The following CREB5 variants were observed in gnomAD, a reference collection of about 807,000 sequenced individuals.
CREB5 encodes the protein cAMP responsive element binding protein 5.
A neutral mutation model predicts 57.1 loss-of-function variants in CREB5; 19 were observed. That is an observed-to-expected ratio of 0.33 (90% CI 0.23 to 0.49). CREB5 has a LOEUF of 0.49. Ranked by LOEUF, CREB5 falls within the 20% of genes least tolerant of loss-of-function variation. The pLI, the probability that CREB5 is intolerant of heterozygous loss-of-function variation, is 0.99. For synonymous variants in CREB5, 238 were observed against 238.3 expected (o/e 1.00, Z 0.01); for missense variants, 579 against 671.6 (o/e 0.86, Z 1.52).
At chr7:28,422,880 C>T (rs1286966222) in intron 1 of CREB5, among the ~76,000 whole-genome samples, 1 of 152,154 alleles carries the variant, frequency 6.6e-6, no homozygotes, top group Non-Finnish European at 1.5e-5. Flanking sequence ...TAACACCTTA[C>T]ATTGTTTAGG....
intron 5 of CREB5, among the ~76,000 whole-genome samples, chr7:28,593,336 C>T (rs777953016): frequency 8.5e-5 from 13 of 152,258 alleles, no homozygotes; most frequent in Middle Eastern, 3.4e-3. Context: ...ATAACCTCCA[C>T]CTCCTGGGTT....
chr7:28,761,754 C>A (rs2128770118), intron 7 of CREB5, among the ~76,000 whole-genome samples: 1 of 149,390 alleles, frequency 6.7e-6, no homozygotes, highest in South Asian at 2.2e-4. Flanking sequence ...GTGTGTGTAT[C>A]ATTTGTTTTA....
At chr7:28,794,125 A>T (rs1240294474) in intron 7 of CREB5, among the ~76,000 whole-genome samples, 1 of 152,210 alleles carries the variant, frequency 6.6e-6, no homozygotes. Flanking sequence ...TTTTTCTAAC[A>T]TATGTTACTG....
intron 1 of CREB5, among the ~76,000 whole-genome samples, chr7:28,398,777 T>G (rs1383811114): frequency 6.6e-6 from 1 of 152,074 alleles, no homozygotes; most frequent in Non-Finnish European, 1.5e-5. Context: ...AGTGGCAGGA[T>G]CATGGCTCAC....
chr7:28,631,078 G>A (rs1798183833), intron 5 of CREB5, among the ~76,000 whole-genome samples: 1 of 152,216 alleles, frequency 6.6e-6, no homozygotes, highest in Non-Finnish European at 1.5e-5. Context: ...GGTACCACCA[G>A]TGGGACTCAG....
intron 7 of CREB5, among the ~76,000 whole-genome samples, chr7:28,760,853 T>G (rs1329762396): frequency 6.6e-6 from 1 of 152,208 alleles, no homozygotes; most frequent in Non-Finnish European, 1.5e-5. Context: ...TTGCGGAATC[T>G]AAGAGAGAAA....
intron 5 of CREB5, among the ~76,000 whole-genome samples, chr7:28,690,744 T>A (rs1801206505): frequency 6.6e-6 from 1 of 152,168 alleles, no homozygotes; most frequent in Non-Finnish European, 1.5e-5. Context: ...GATAGGATTC[T>A]CCTCGCAGCA....
intron 1 of CREB5, among the ~76,000 whole-genome samples, chr7:28,306,624 G>T (rs1785193939): frequency 7.1e-6 from 1 of 141,480 alleles, no homozygotes. Context: ...GCAGTGGCGG[G>T]ATCTCGGCTC....
At chr7:28,375,583 A>C (rs917078700) in intron 1 of CREB5, among the ~76,000 whole-genome samples, 10 of 151,298 alleles carry the variant, frequency 6.6e-5, no homozygotes, top group African/African-American at 2.5e-4. Context: ...TGTGATTATA[A>C]ATAAATAAAA....
At chr7:28,488,665 TTTTGTTTTCCAA>T (rs1791673739) in intron 2 of CREB5, among the ~76,000 whole-genome samples, 1 of 152,226 alleles carries the variant, frequency 6.6e-6, no homozygotes, top group African/African-American at 2.4e-5. Context: ...TTTTATTTTG[TTTTGTTTTCCAA>T]TTTGAGTAAA....
chr7:28,310,781 C>T lies in CREB5; in HGVS notation c.-25+11340C>T, dbSNP rs910282041. ...TTCATGTCATTTTTACCTCTACGTG[C>T]TTCAGTGTTCTGAATTATGCAGACA... On this transcript the variant is annotated intron_variant, in intron 1 of 9. Transcript: ENST00000396299. Among the ~76,000 whole-genome samples, 14 of 152,186 alleles carry T rather than the reference C, an allele frequency of 9.2e-5. 1 individual carries two copies. The highest frequency in any genetic ancestry group is 3.4e-4 in the African/African-American group (14 of 41,456).
intron 1 of CREB5, among the ~76,000 whole-genome samples, chr7:28,383,815 G>T (rs1787020335): frequency 6.6e-6 from 1 of 152,210 alleles, no homozygotes; most frequent in African/African-American, 2.4e-5. Context: ...CCAATTTGGG[G>T]AGTACAGAAG....
chr7:28,322,407 T>C (rs1450456951), intron 1 of CREB5, among the ~76,000 whole-genome samples: 1 of 152,212 alleles, frequency 6.6e-6, no homozygotes, highest in African/African-American at 2.4e-5. Context: ...TCAAAATGAA[T>C]TTTTAAAATT....
At chr7:28,348,074 C>A (rs1786101266) in intron 1 of CREB5, among the ~76,000 whole-genome samples, 1 of 152,082 alleles carries the variant, frequency 6.6e-6, no homozygotes, top group South Asian at 2.1e-4. Flanking sequence ...TGGGCATGGG[C>A]TATGTTCATG....
At chr7:28,605,775 A>G (rs1314801552) in intron 5 of CREB5, among the ~76,000 whole-genome samples, 1 of 18,998 alleles carries the variant, frequency 5.3e-5, no homozygotes, top group African/African-American at 2.3e-4. Context: ...GACAAGCCAG[A>G]CACAAGAGTG....
intron 1 of CREB5, among the ~76,000 whole-genome samples, chr7:28,402,839 T>C (rs934671315): frequency 1.3e-5 from 2 of 152,164 alleles, no homozygotes; most frequent in Non-Finnish European, 2.9e-5. Flanking sequence ...CTAATTAAAC[T>C]AAAGAGCTTC....
At chr7:28,626,888 T>A (rs1798014357) in intron 5 of CREB5, among the ~76,000 whole-genome samples, 1 of 152,198 alleles carries the variant, frequency 6.6e-6, no homozygotes, top group Admixed American at 6.5e-5. Context: ...CTTCAATTTC[T>A]TTTCTGTTCC....
At chr7:28,382,810 A>T (rs1049610376) in intron 1 of CREB5, among the ~76,000 whole-genome samples, 2 of 151,992 alleles carry the variant, frequency 1.3e-5, no homozygotes, top group Non-Finnish European at 2.9e-5. Flanking sequence ...CTGGCAGCAG[A>T]GGAGATACGA....
intron 7 of CREB5, among the ~76,000 whole-genome samples, chr7:28,801,825 G>A (rs377366863): frequency 4.6e-5 from 7 of 151,984 alleles, no homozygotes; most frequent in Admixed American, 4.6e-4. Context: ...GGTGGCTCAC[G>A]CCTGTAATCC....
Sources: gnomAD v4.1 joint callset for allele counts (sites outside exome capture counted in the v4.1 genomes callset) on GRCh38, gnomAD v4.1.1 for gene constraint, MANE v1.5 for transcripts, NCBI Gene and HGNC (gene_info 2026-07-23, HGNC 2026-07-21) for gene names.